Variants in ULK4 observed in about 807,000 individuals in gnomAD.
ULK4 encodes unc-51 like kinase 4, also known as inactive serine/threonine-protein kinase ULK4.
A neutral mutation model predicts 160.6 loss-of-function variants in ULK4; 133 were observed. That is an observed-to-expected ratio of 0.83 (90% CI 0.72 to 0.96). The LOEUF (loss-of-function observed/expected upper bound fraction) is 0.96, where lower values mean the gene tolerates loss of function less well. Among genes scored for constraint, ULK4 ranks in the 40% least tolerant of loss-of-function variants. The pLI is 0.00. For synonymous variants in ULK4, 534 were observed against 539.8 expected, an observed-to-expected ratio of 0.99 and a Z score of 0.15; for missense variants, 1,580 against 1,499.5, an observed-to-expected ratio of 1.05 and a Z score of -0.89.
At chr3:41,828,210 C>A (rs1245883130) in intron 18 of ULK4, among the ~76,000 whole-genome samples, 1 of 143,266 alleles carries the variant, frequency 7.0e-6, no homozygotes, top group African/African-American at 2.6e-5. Flanking sequence ...TGGAAAAAAA[C>A]TGGAAACATT....
At chr3:41,950,549 C>T (rs1700257567) in intron 2 of ULK4, among the ~76,000 whole-genome samples, 1 of 151,524 alleles carries the variant, frequency 6.6e-6, no homozygotes, top group African/African-American at 2.4e-5. Context: ...GGCCCACTCC[C>T]AGCTAATTTT....
intron 35 of ULK4, among the ~76,000 whole-genome samples, chr3:41,384,296 C>A (rs952189961): frequency 4.7e-5 from 7 of 150,274 alleles, no homozygotes; most frequent in Non-Finnish European, 8.9e-5. Flanking sequence ...TCAGGCTTTT[C>A]AAAAAGTCAA....
chr3:41,806,839 T>C (rs2040657870), intron 19 of ULK4, among the ~76,000 whole-genome samples: 1 of 152,186 alleles, frequency 6.6e-6, no homozygotes, highest in Non-Finnish European at 1.5e-5. Flanking sequence ...AGCCTCATAG[T>C]ATCTCAGGCC....
intron 2 of ULK4, among the ~76,000 whole-genome samples, chr3:41,953,306 T>A (rs2371716): frequency 0.67 from 58,223 of 86,754 alleles, 19,708 homozygotes; most frequent in East Asian, 0.81. Flanking sequence ...ATATATATAT[T>A]TTTTTTTTTT....
chr3:41,856,941 G>A (rs1468185087), intron 17 of ULK4, among the ~76,000 whole-genome samples: 1 of 151,752 alleles, frequency 6.6e-6, no homozygotes, highest in African/African-American at 2.4e-5. Flanking sequence ...AAGCCAATTA[G>A]TCTTCTAATT....
chr3:41,588,263 C>T (rs370689366), intron 31 of ULK4, among the ~76,000 whole-genome samples: 1 of 152,166 alleles, frequency 6.6e-6, no homozygotes, highest in East Asian at 1.9e-4. Flanking sequence ...ATACATGATC[C>T]TCTGTAGAAT....
chr3:41,941,646 A>G lies in ULK4; in HGVS notation c.139-3449T>C, dbSNP rs376398590. ...GTGGCACATGCCTGTGGTCCCAGCTACTAGGGAGGCTGCGGCAGGAGGATC... is the reference window on the plus strand; with the variant it reads ...GTGGCACATGCCTGTGGTCCCAGCTGCTAGGGAGGCTGCGGCAGGAGGATC... On this transcript the variant is annotated intron_variant, in intron 2 of 36. Coordinates refer to ENST00000301831, the MANE Select transcript of ULK4 (RefSeq NM_017886.4). 3.4e-5 allele frequency among the ~76,000 whole-genome samples: 5 copies of G among 147,908 alleles called. No homozygotes were observed. In the East Asian group the frequency reaches 8.5e-4, roughly 25 times the overall value.
chr3:41,849,336 T>G (rs1575822695), intron 17 of ULK4, among the ~76,000 whole-genome samples: 1 of 152,230 alleles, frequency 6.6e-6, no homozygotes, highest in Non-Finnish European at 1.5e-5. Flanking sequence ...AGCTAAGATC[T>G]GTACCAACAT....
chr3:41,855,424 G>GA (rs1204426518), intron 17 of ULK4, among the ~76,000 whole-genome samples: 1 of 152,088 alleles, frequency 6.6e-6, no homozygotes, highest in Non-Finnish European at 1.5e-5. Context: ...CAGTGTGGAT[G>GA]ATACATACAT....
chr3:41,888,776 G>T (rs372558956), intron 16 of ULK4, among the ~76,000 whole-genome samples: 8 of 152,048 alleles, frequency 5.3e-5, no homozygotes, highest in Non-Finnish European at 8.8e-5. Flanking sequence ...CAGGGAAGGG[G>T]TAAATGAGGA....
At chr3:41,803,483 T>TTTA (rs966057615) in intron 19 of ULK4, among the ~76,000 whole-genome samples, 16 of 151,920 alleles carry the variant, frequency 1.1e-4, no homozygotes, top group South Asian at 2.1e-4. Context: ...AGCTTTCTTT[T>TTTA]TTATTATTAT....
intron 31 of ULK4, among the ~76,000 whole-genome samples, chr3:41,568,552 A>G (rs201942802): frequency 6.6e-6 from 1 of 152,144 alleles, no homozygotes; most frequent in East Asian, 1.9e-4. Context: ...TGTGCATCTA[A>G]TATGTGTTTC....
intron 16 of ULK4, among the ~76,000 whole-genome samples, chr3:41,887,910 C>T (rs541177172): frequency 1.3e-4 from 20 of 151,784 alleles, no homozygotes; most frequent in African/African-American, 4.6e-4. Flanking sequence ...CATCTGTAAT[C>T]CCCAGCACTT....
Position 41,261,642 on chromosome 3 carries a change from C to T in ULK4, c.3679-12068G>A, listed in dbSNP as rs1445571930. On this transcript the variant is annotated intron_variant, in intron 35 of 36. Coordinates refer to ENST00000301831, the MANE Select transcript of ULK4 (RefSeq NM_017886.4). ...CGGCCATCTCTTGTAAATTGCATAG[C>T]GCCCTTTGCTCCCCCAGTCATTGTT... is the stretch of plus-strand genomic sequence containing the variant. Among the ~76,000 whole-genome samples, 15 of 152,294 alleles carry T rather than the reference C, an allele frequency of 9.8e-5. No individual in the cohort carries two copies. The East Asian group carries it at 2.7e-3, about 27-fold the overall frequency.
intron 21 of ULK4, among the ~76,000 whole-genome samples, chr3:41,759,891 C>A (rs2038930096): frequency 6.6e-6 from 1 of 152,142 alleles, no homozygotes; most frequent in Admixed American, 6.5e-5. Context: ...AACACCTGAA[C>A]ATCCACATGC....
chr3:41,784,981 C>T (rs1197496311), intron 21 of ULK4, among the ~76,000 whole-genome samples: 1 of 152,160 alleles, frequency 6.6e-6, no homozygotes, highest in Non-Finnish European at 1.5e-5. Flanking sequence ...AAGAAAAATA[C>T]AGCATGTGGC....
chr3:41,900,619 GA>G, intron 13 of ULK4, 105 bp downstream of exon 13: 3 of 934,562 alleles, frequency 3.2e-6, no homozygotes, highest in Non-Finnish European at 4.8e-6. Context: ...GCAGACAAGA[GA>G]AACAGGAAAG....
chr3:41,912,824 G>A lies in ULK4; in HGVS notation c.879C>T (p.Val293=), dbSNP rs370248293. ...AFAGADQESS[V]EDLSLSRNTM... ...TATACTACCTGAGACTGAGATCTTCGACGCTTGATTCCTGATCTGCTCCAG... is the reference window on the plus strand; with the variant it reads ...TATACTACCTGAGACTGAGATCTTCAACGCTTGATTCCTGATCTGCTCCAG... Residue 293 remains valine (V), a synonymous_variant, in exon 9 of 37, where the codon GTC becomes GTT. Transcript: ENST00000301831. 36 of 1,614,034 alleles carry A rather than the reference G, an allele frequency of 2.2e-5. No individual in the cohort carries two copies. The South Asian group carries it at 2.7e-4, about 12-fold the overall frequency.
At chr3:41,502,545 C>A (rs1439928464) in intron 32 of ULK4, among the ~76,000 whole-genome samples, 1 of 152,080 alleles carries the variant, frequency 6.6e-6, no homozygotes, top group African/African-American at 2.4e-5. Context: ...AGAAAAAACT[C>A]AAAAATGTCC....
Sources: gnomAD v4.1 joint callset for allele counts (sites outside exome capture counted in the v4.1 genomes callset) on GRCh38, gnomAD v4.1.1 for gene constraint, MANE v1.5 for transcripts, NCBI Gene and HGNC (gene_info 2026-07-23, HGNC 2026-07-21) for gene names.